Variants in CCNY observed in about 807,000 individuals in gnomAD.
CCNY encodes cyclin Y, also known as cyclin-Y.
In CCNY, 19 loss-of-function variants were observed where a neutral mutation model predicts 42.8. The ratio of observed to expected loss-of-function variants is 0.44; its 90% CI spans 0.31 to 0.65. The LOEUF (loss-of-function observed/expected upper bound fraction) is 0.65. Ranked by LOEUF, CCNY falls within the 30% of genes least tolerant of loss-of-function variation. CCNY has a pLI of 0.07. For missense variants in CCNY, 370 were observed against 437.3 expected (o/e 0.85, Z 1.37); for synonymous variants, 165 against 162.7 (o/e 1.01, Z -0.11).
At chr10:35,403,800 C>T (rs563617258) in intron 1 of CCNY, among the ~76,000 whole-genome samples, 153 of 152,298 alleles carry the variant, frequency 1.0e-3, no homozygotes, top group African/African-American at 3.3e-3. Context: ...GAGCGGTAGC[C>T]TCAATGATAG....
rs185855744 is a variant in CCNY, at chr10:35,310,043, G to A, written c.-9+59417G>A. ...TCTCGATCTCCTGACCTTCTGATCCGCCCGCCTCAGCCTCCCAAAGTGCTG... is the reference window on the plus strand; with the variant it reads ...TCTCGATCTCCTGACCTTCTGATCCACCCGCCTCAGCCTCCCAAAGTGCTG... On this transcript the variant is annotated intron_variant, in intron 3 of 11. Transcript: ENST00000374706. 2.8e-4 allele frequency among the ~76,000 whole-genome samples: 43 copies of A among 151,432 alleles called. 1 individual carries two copies. In the East Asian group the frequency reaches 6.5e-3, roughly 23 times the overall value.
chr10:35,489,817 G>T (rs1839862303), intron 2 of CCNY, among the ~76,000 whole-genome samples: 1 of 152,300 alleles, frequency 6.6e-6, no homozygotes, highest in Non-Finnish European at 1.5e-5. Context: ...TCAGTTAGAG[G>T]AGTCCCTCAT....
chr10:35,538,780 T>A (rs768068771), intron 7 of CCNY, among the ~76,000 whole-genome samples: 4 of 152,234 alleles, frequency 2.6e-5, no homozygotes, highest in Non-Finnish European at 5.9e-5. Context: ...TGGTATCAGT[T>A]TGCAACTTAG....
intron 3 of CCNY, among the ~76,000 whole-genome samples, chr10:35,312,160 G>A (rs553480342): frequency 1.3e-5 from 2 of 151,998 alleles, no homozygotes; most frequent in South Asian, 2.1e-4. Flanking sequence ...GGCGGATCAC[G>A]AGGTCAGGAG....
Position 35,404,316 on chromosome 10 carries a change from C to T in CCNY, c.154+67109C>T, listed in dbSNP as rs942485332. 3.9e-5 allele frequency among the ~76,000 whole-genome samples: 6 copies of T among 152,142 alleles called. No individual in the cohort carries two copies. The East Asian group carries it at 7.7e-4, about 20-fold the overall frequency. ...CTGGTTCTTGTGTAAGAATTCTGAC[C>T]ACACAGCCCTGCACTTTGGCTGTGT... On this transcript the variant is annotated intron_variant, in intron 1 of 9. Transcript: ENST00000374704.
At chr10:35,485,017 ACAT>A (rs1177532580) in intron 2 of CCNY, among the ~76,000 whole-genome samples, 1 of 152,224 alleles carries the variant, frequency 6.6e-6, no homozygotes, top group Non-Finnish European at 1.5e-5. Context: ...CTCTTCTGGA[ACAT>A]CAGGGCATCA....
At chr10:35,372,756 A>G (rs139912546) in intron 1 of CCNY, among the ~76,000 whole-genome samples, 2,496 of 152,316 alleles carry the variant, frequency 0.016, 56 homozygotes, top group East Asian at 0.056. Flanking sequence ...CTAGAGTACA[A>G]TGGCGCGATC....
intron 1 of CCNY, among the ~76,000 whole-genome samples, chr10:35,381,282 G>A (rs565609949): frequency 2.6e-5 from 4 of 152,238 alleles, no homozygotes; most frequent in East Asian, 1.9e-4. Context: ...ACTGTAGGCC[G>A]AGCGCCATGG....
At chr10:35,325,516 G>A (rs1334505795) in intron 3 of CCNY, among the ~76,000 whole-genome samples, 1 of 139,770 alleles carries the variant, frequency 7.2e-6, no homozygotes, top group African/African-American at 2.7e-5. Flanking sequence ...TTTCGCTCTT[G>A]TTGCTCAGGC....
chr10:35,560,331 A>G (rs1336944863), intron 8 of CCNY, among the ~76,000 whole-genome samples: 1 of 152,168 alleles, frequency 6.6e-6, no homozygotes, highest in Non-Finnish European at 1.5e-5. Flanking sequence ...CCCAACCCCT[A>G]GTGTTTGAGA....
intron 1 of CCNY, among the ~76,000 whole-genome samples, chr10:35,460,105 T>C (rs1243027940): frequency 6.6e-6 from 1 of 152,186 alleles, no homozygotes; most frequent in Non-Finnish European, 1.5e-5. Context: ...CATGGTGTCA[T>C]GGGAAAGAAT....
chr10:35,464,839 C>T (rs1027205621), intron 1 of CCNY, among the ~76,000 whole-genome samples: 3 of 152,178 alleles, frequency 2.0e-5, no homozygotes, highest in African/African-American at 7.2e-5. Flanking sequence ...TGATAGTGGA[C>T]TCAAATGCCT....
chr10:35,482,188 G>A (rs994576829), intron 1 of CCNY, among the ~76,000 whole-genome samples: 1 of 152,192 alleles, frequency 6.6e-6, no homozygotes, highest in Non-Finnish European at 1.5e-5. Context: ...TGCCTCCAGT[G>A]TATATTTATT....
chr10:35,421,788 C>T (rs1838164759), intron 1 of CCNY, among the ~76,000 whole-genome samples: 1 of 152,148 alleles, frequency 6.6e-6, no homozygotes, highest in South Asian at 2.1e-4. Flanking sequence ...TATATCCAGG[C>T]CTGTTAGATC....
chr10:35,516,661 C>CTTTTTTTTTTTTTTTTTTTTTTTTTTT (rs35268084), intron 4 of CCNY, 38 bp downstream of exon 4: 1 of 277,496 alleles, frequency 3.6e-6, no homozygotes, highest in African/African-American at 5.1e-5. Flanking sequence ...TCCTTCCTTC[C>CTTTTTTTTTTTTTTTTTTTTTTTTTTT]TTTTTTTTTT....
At chr10:35,313,596 C>T (rs911521000) in intron 3 of CCNY, among the ~76,000 whole-genome samples, 1 of 151,954 alleles carries the variant, frequency 6.6e-6, no homozygotes, top group Non-Finnish European at 1.5e-5. Flanking sequence ...TGTGCCCAAG[C>T]CCAATCTACA....
intron 1 of CCNY, among the ~76,000 whole-genome samples, chr10:35,380,044 T>C (rs1837144744): frequency 6.6e-6 from 1 of 152,232 alleles, no homozygotes; most frequent in Non-Finnish European, 1.5e-5. Context: ...TTTCGAACGT[T>C]TGGACTTGGA....
chr10:35,411,512 C>CAAA (rs59117826), intron 1 of CCNY, among the ~76,000 whole-genome samples: 700 of 61,222 alleles, frequency 0.011, 34 homozygotes, highest in South Asian at 0.032. Flanking sequence ...AAGACTCTGT[C>CAAA]AAAAAAAAAA....
At chr10:35,328,433 T>A (rs1835903833) in intron 3 of CCNY, among the ~76,000 whole-genome samples, 1 of 152,216 alleles carries the variant, frequency 6.6e-6, no homozygotes, top group Admixed American at 6.5e-5. Context: ...GCATTTATCA[T>A]ACAGTGACCA....
Sources: gnomAD v4.1 joint callset for allele counts (sites outside exome capture counted in the v4.1 genomes callset) on GRCh38, gnomAD v4.1.1 for gene constraint, MANE v1.5 for transcripts, NCBI Gene and HGNC (gene_info 2026-07-23, HGNC 2026-07-21) for gene names.